Variants in IQCM observed in about 807,000 individuals in gnomAD.
IQCM encodes IQ domain-containing protein M.
In IQCM, 45 loss-of-function variants were observed where a neutral mutation model predicts 57.6. The observed-to-expected ratio is 0.78, with a 90% CI of 0.62 to 1.00. IQCM has a LOEUF of 1.00. Among genes scored for constraint, IQCM ranks in the 50% least tolerant of loss-of-function variants. The probability of loss-of-function intolerance (pLI) is 0.00; values close to 1 mark genes in which losing one functional copy is unlikely to be tolerated. For synonymous variants in IQCM, 148 were observed against 158.9 expected (o/e 0.93, Z 0.51); for missense variants, 468 against 511.6 (o/e 0.91, Z 0.82).
intron 7 of IQCM, among the ~76,000 whole-genome samples, chr4:149,640,282 G>C (rs949399334): frequency 1.3e-5 from 2 of 152,140 alleles, no homozygotes; most frequent in African/African-American, 4.8e-5. Context: ...TGTATCCTTT[G>C]TGTTACAAAC....
At chr4:149,756,346 T>C (rs1768959908) in intron 2 of IQCM, among the ~76,000 whole-genome samples, 1 of 152,146 alleles carries the variant, frequency 6.6e-6, no homozygotes, top group African/African-American at 2.4e-5. Context: ...ACAGCAATGA[T>C]AATTAACAGA....
rs189283499 is a variant in IQCM at position 149,656,288 on chromosome 4, A to G, written c.565+25830T>C. On this transcript the variant is annotated intron_variant, in intron 7 of 13. Coordinates refer to ENST00000636793, the MANE Select transcript of IQCM (RefSeq NM_001363507.2). The stretch of plus-strand genomic sequence containing the variant: ...TTTGAATAGTTATTGTAACAAAAAT[A>G]AAAATATTTTAAATATATTAAATTT... Among the ~76,000 whole-genome samples the G allele has an allele frequency of 4.8e-4, 73 of 152,266 alleles. 3 individuals are homozygous for G. Among genetic ancestry groups the G allele is most frequent in the Admixed American group, 4.3e-3 (65 of 15,274 alleles).
chr4:149,612,778 G>A (rs369593488), intron 8 of IQCM, among the ~76,000 whole-genome samples: 170 of 151,960 alleles, frequency 1.1e-3, no homozygotes, highest in Non-Finnish European at 1.6e-3. Flanking sequence ...TATTTCATAG[G>A]AAAAGAAATA....
At chr4:149,805,681 T>C (rs1429243756) in intron 2 of IQCM, among the ~76,000 whole-genome samples, 1 of 152,060 alleles carries the variant, frequency 6.6e-6, no homozygotes, top group Non-Finnish European at 1.5e-5. Flanking sequence ...GTTGGCTCCA[T>C]TAGCATAAAA....
At chr4:149,431,568 A>G (rs1469224037) in intron 13 of IQCM, among the ~76,000 whole-genome samples, 1 of 151,994 alleles carries the variant, frequency 6.6e-6, no homozygotes, top group Non-Finnish European at 1.5e-5. Flanking sequence ...TAATTATGTC[A>G]TCGCTATCAT....
At chr4:149,621,717 T>C (rs1252151421) in intron 7 of IQCM, among the ~76,000 whole-genome samples, 2 of 152,162 alleles carry the variant, frequency 1.3e-5, no homozygotes, top group African/African-American at 4.8e-5. Context: ...TTAAGGTAAA[T>C]AGGTCGAAAG....
chr4:149,413,953 A>G (rs1733568682), intron 13 of IQCM, among the ~76,000 whole-genome samples: 1 of 152,198 alleles, frequency 6.6e-6, no homozygotes, highest in Non-Finnish European at 1.5e-5. Flanking sequence ...TACAAAATTA[A>G]TGAGTATTCA....
At chr4:149,626,302 C>T (rs1288324316) in intron 7 of IQCM, among the ~76,000 whole-genome samples, 1 of 151,272 alleles carries the variant, frequency 6.6e-6, no homozygotes, top group Non-Finnish European at 1.5e-5. Context: ...TTTTGGAGCT[C>T]GCATTGGCTC....
At chr4:149,634,684 C>T (rs1041168896) in intron 7 of IQCM, among the ~76,000 whole-genome samples, 6 of 152,152 alleles carry the variant, frequency 3.9e-5, no homozygotes, top group East Asian at 3.8e-4. Flanking sequence ...AAAGATGTAA[C>T]AAACCCATCT....
At chr4:149,794,038 T>C (rs928850114) in intron 2 of IQCM, among the ~76,000 whole-genome samples, 1 of 152,182 alleles carries the variant, frequency 6.6e-6, no homozygotes, top group African/African-American at 2.4e-5. Context: ...TTAGAGAAGA[T>C]AGCATGCAGA....
intron 7 of IQCM, among the ~76,000 whole-genome samples, chr4:149,622,123 G>T (rs1347441233): frequency 6.6e-6 from 1 of 150,538 alleles, no homozygotes; most frequent in African/African-American, 2.4e-5. Context: ...AATTTGAGTG[G>T]TCTATGGGGA....
chr4:149,583,845 AT>A lies in IQCM; in HGVS notation c.749+4084del, dbSNP rs1369712187. The stretch of plus-strand genomic sequence containing the variant: ...TCAATGCATTACTTCCCTTTAGCTA[AT>A]AATATAAACTGTTTTTGATATTTTA... On this transcript the variant is annotated intron_variant, in intron 9 of 13. Coordinates refer to ENST00000636793, the MANE Select transcript of IQCM (RefSeq NM_001363507.2). Among the ~76,000 whole-genome samples, 8 of 151,668 alleles carry A rather than the reference AT, an allele frequency of 5.3e-5. No homozygotes were observed. The East Asian group carries it at 1.2e-3, about 22-fold the overall frequency.
chr4:149,564,285 C>A (rs1750403987), intron 9 of IQCM, among the ~76,000 whole-genome samples: 1 of 152,288 alleles, frequency 6.6e-6, no homozygotes, highest in Middle Eastern at 3.4e-3. Context: ...TGCTGTTAAC[C>A]AAACGTCATC....
At chr4:149,611,916 A>G (rs1394021615) in intron 8 of IQCM, among the ~76,000 whole-genome samples, 1 of 152,048 alleles carries the variant, frequency 6.6e-6, no homozygotes, top group Non-Finnish European at 1.5e-5. Flanking sequence ...TATCATATGT[A>G]CCCCATGAAA....
intron 7 of IQCM, among the ~76,000 whole-genome samples, chr4:149,646,885 G>A (rs1028415736): frequency 6.6e-6 from 1 of 152,178 alleles, no homozygotes. Context: ...TCAGGAGGCT[G>A]AGGCAGGAGA....
intron 12 of IQCM, among the ~76,000 whole-genome samples, chr4:149,482,861 T>C (rs545330927): frequency 9.9e-5 from 15 of 151,740 alleles, no homozygotes; most frequent in African/African-American, 3.4e-4. Flanking sequence ...TTTTTTTTAA[T>C]GTTTGGTATA....
At position 149,621,257 on chromosome 4, in the gene IQCM, T is replaced by A; in HGVS notation, c.566-13A>T. On this transcript the variant is annotated splice_polypyrimidine_tract_variant and intron_variant, in intron 7 of 13. Coordinates refer to ENST00000636793, the MANE Select transcript of IQCM (RefSeq NM_001363507.2). ...TAGAATGCTTTGTCTGTTAGAAATA[T>A]CAATGCAGGTTAAAACAATATCTAT... 8.6e-7 allele frequency: 1 copy of A among 1,159,596 alleles called. No homozygotes were observed. Among genetic ancestry groups the A allele is most frequent in the Non-Finnish European group, 1.1e-6 (1 of 921,660 alleles). The allele number at this position is 1,159,596 out of a possible 1,614,324, so 71.8% of individuals were successfully genotyped here. A position where few individuals can be genotyped will look rare whatever the true frequency, so the allele number is the denominator to read the frequency against.
intron 12 of IQCM, among the ~76,000 whole-genome samples, chr4:149,444,600 G>A (rs1736304242): frequency 6.6e-6 from 1 of 151,464 alleles, no homozygotes; most frequent in African/African-American, 2.4e-5. Context: ...AAGCTTAAAG[G>A]ATAAAGAAAA....
At chr4:149,695,099 C>T (rs765357693) in intron 5 of IQCM, among the ~76,000 whole-genome samples, 10 of 152,172 alleles carry the variant, frequency 6.6e-5, no homozygotes, top group Non-Finnish European at 1.3e-4. Flanking sequence ...TAATTTTCTA[C>T]TGTTGGAATT....
Sources: allele counts gnomAD v4.1 joint callset (sites outside exome capture counted in the v4.1 genomes callset), GRCh38; gene constraint gnomAD v4.1.1; transcripts MANE v1.5; gene names NCBI Gene and HGNC (gene_info 2026-07-23, HGNC 2026-07-21).